FGD4: variants seen among roughly 807,000 people sequenced by gnomAD.
FGD4 encodes the protein FYVE, RhoGEF and PH domain containing 4.
In FGD4, 42 loss-of-function variants were observed where a neutral mutation model predicts 102.0. The ratio of observed to expected loss-of-function variants is 0.41; its 90% confidence interval spans 0.32 to 0.53. FGD4 has a LOEUF of 0.53. FGD4 is among the 20% of genes least tolerant of loss of function. FGD4 has a pLI of 0.21. For missense variants in FGD4, 902 were observed against 1,078.2 expected, an observed-to-expected ratio of 0.84 and a Z score of 2.29; for synonymous variants, 380 against 375.7, an observed-to-expected ratio of 1.01 and a Z score of -0.13.
chr12:32,423,591 C>CAAAA (rs35872227), intron 1 of FGD4, among the ~76,000 whole-genome samples: 15 of 72,242 alleles, frequency 2.1e-4, no homozygotes, highest in African/African-American at 2.5e-4. Context: ...GACTTCATCT[C>CAAAA]AAAAAAAAAA....
At chr12:32,522,701 C>A (rs570525975) in intron 1 of FGD4, among the ~76,000 whole-genome samples, 3 of 152,276 alleles carry the variant, frequency 2.0e-5, no homozygotes, top group East Asian at 3.9e-4. Flanking sequence ...ACTTCCTTCT[C>A]AAAACCTTGG....
chr12:32,589,549 A>T (rs1434366854), intron 4 of FGD4, among the ~76,000 whole-genome samples: 1 of 152,190 alleles, frequency 6.6e-6, no homozygotes, highest in Non-Finnish European at 1.5e-5. Flanking sequence ...ATACATATTC[A>T]GTTTTTCTTG....
chr12:32,553,519 G>T (rs1943868351), intron 1 of FGD4, among the ~76,000 whole-genome samples: 1 of 152,130 alleles, frequency 6.6e-6, no homozygotes. Context: ...CAACTGCGTG[G>T]CCACATTGTT....
At chr12:32,603,612 CCTGACCTTATGAT>C (rs1225326868) in intron 7 of FGD4, among the ~76,000 whole-genome samples, 2 of 152,082 alleles carry the variant, frequency 1.3e-5, no homozygotes, top group Non-Finnish European at 2.9e-5. Flanking sequence ...ATCTCTATCT[CCTGACCTTATGAT>C]CTGCCTGCCT....
chr12:32,543,425 T>C lies in FGD4; in HGVS notation c.167-20712T>C, dbSNP rs1186621246. Among the ~76,000 whole-genome samples, 3 of 152,108 alleles carry C rather than the reference T, an allele frequency of 2.0e-5. No homozygotes were observed. The East Asian group carries it at 5.8e-4, about 29-fold the overall frequency. On this transcript the variant is annotated intron_variant, in intron 1 of 16. Coordinates refer to ENST00000534526, the MANE Select transcript of FGD4 (RefSeq NM_001370298.3). ...CCAGGCACTCTCCCTCTCCAGAAGTTGGGAGGAATAGGTCTGAAAGTTCCA... is the reference window on the plus strand; with the variant it reads ...CCAGGCACTCTCCCTCTCCAGAAGTCGGGAGGAATAGGTCTGAAAGTTCCA...
chr12:32,527,419 C>T (rs1941364539), intron 1 of FGD4, among the ~76,000 whole-genome samples: 1 of 143,298 alleles, frequency 7.0e-6, no homozygotes, highest in African/African-American at 2.8e-5. Context: ...TCGGTTTCTT[C>T]CCAGAGCCTG....
chr12:32,441,845 C>G (rs979237018), intron 1 of FGD4, among the ~76,000 whole-genome samples: 1 of 152,068 alleles, frequency 6.6e-6, no homozygotes, highest in Non-Finnish European at 1.5e-5. Flanking sequence ...CTGGCTAGGG[C>G]TGGTTTAAAC....
intron 1 of FGD4, among the ~76,000 whole-genome samples, chr12:32,553,617 A>C (rs1943875712): frequency 6.6e-6 from 1 of 152,194 alleles, no homozygotes; most frequent in Non-Finnish European, 1.5e-5. Context: ...AAAAATATTG[A>C]ATATCTGTAG....
chr12:32,505,130 T>C (rs1592036925), intron 1 of FGD4, among the ~76,000 whole-genome samples: 1 of 152,204 alleles, frequency 6.6e-6, no homozygotes, highest in East Asian at 1.9e-4. Flanking sequence ...GCAGATGCTG[T>C]CATTGCTAAT....
intron 14 of FGD4, 53 bp downstream of exon 14, chr12:32,625,832 A>G (rs1950131211): frequency 1.2e-6 from 2 of 1,609,686 alleles, no homozygotes; most frequent in African/African-American, 2.7e-5. Context: ...TAAGTGATGT[A>G]AAGTCATCAA....
chr12:32,407,972 C>CTTTATTTA (rs59676286), intron 1 of FGD4, among the ~76,000 whole-genome samples: 4,960 of 145,582 alleles, frequency 0.034, 118 homozygotes, highest in Non-Finnish European at 0.044. Flanking sequence ...TAATCCTAGA[C>CTTTATTTA]TTTATTTATT....
intron 11 of FGD4, among the ~76,000 whole-genome samples, chr12:32,622,340 C>T (rs988875719): frequency 2.1e-4 from 32 of 152,180 alleles, no homozygotes; most frequent in African/African-American, 7.7e-4. Context: ...TGAATGGATA[C>T]TTTCAGTCCT....
chr12:32,470,463 CTTTTTTTTTT>C (rs551854980), intron 1 of FGD4, among the ~76,000 whole-genome samples: 3 of 130,842 alleles, frequency 2.3e-5, no homozygotes, highest in Non-Finnish European at 4.9e-5. Context: ...TTTTCTTTTT[CTTTTTTTTTT>C]TTTTTTTTGA....
At chr12:32,440,482 C>T (rs781112901) in intron 1 of FGD4, among the ~76,000 whole-genome samples, 1 of 152,168 alleles carries the variant, frequency 6.6e-6, no homozygotes, top group African/African-American at 2.4e-5. Flanking sequence ...TGTTGTCTTC[C>T]CTTACTTTCT....
chr12:32,429,269 T>A (rs1047423307), intron 1 of FGD4, among the ~76,000 whole-genome samples: 1 of 152,238 alleles, frequency 6.6e-6, no homozygotes, highest in Non-Finnish European at 1.5e-5. Context: ...GTTTTCCTTC[T>A]AACAGTCAGG....
intron 1 of FGD4, among the ~76,000 whole-genome samples, chr12:32,424,408 T>C (rs1349393875): frequency 6.6e-6 from 1 of 152,230 alleles, no homozygotes; most frequent in Non-Finnish European, 1.5e-5. Flanking sequence ...CTCATTCTTT[T>C]TTTATGGCTG....
chr12:32,424,330 C>T (rs965643987), intron 1 of FGD4, among the ~76,000 whole-genome samples: 13 of 152,036 alleles, frequency 8.6e-5, no homozygotes, highest in East Asian at 1.9e-4. Context: ...TTTGGTTTTC[C>T]GTTCCTGTGT....
Position 32,506,926 on chromosome 12 carries a change from T to A in FGD4, c.167-57211T>A, listed in dbSNP as rs1245138858. ...GAGTTGAGGGTGGCAAACTTTATTT[T>A]TATTTATTTTTTATTATTATACTTT... On this transcript the variant is annotated intron_variant, in intron 1 of 16. Coordinates refer to ENST00000534526, the MANE Select transcript of FGD4 (RefSeq NM_001370298.3). This position sits in a 1 kb window ranked among gnomAD's most constrained non-coding sequence, Gnocchi z 4.5. 6.6e-6 allele frequency among the ~76,000 whole-genome samples: 1 copy of A among 152,120 alleles called. No individual in the cohort carries two copies. Among genetic ancestry groups the A allele is most frequent in the African/African-American group, 2.4e-5 (1 of 41,408 alleles).
intron 1 of FGD4, among the ~76,000 whole-genome samples, chr12:32,480,468 T>G (rs1380618341): frequency 6.6e-6 from 1 of 151,474 alleles, no homozygotes; most frequent in Non-Finnish European, 1.5e-5. Context: ...AACCTGTTTG[T>G]TTTTTCTTCT....
Sources: allele counts gnomAD v4.1 joint callset (sites outside exome capture counted in the v4.1 genomes callset), GRCh38; gene constraint gnomAD v4.1.1; non-coding constraint Gnocchi (gnomAD v3.1); transcripts MANE v1.5; gene names NCBI Gene and HGNC (gene_info 2026-07-23, HGNC 2026-07-21).